Variants in ABTB3 observed in about 807,000 individuals in gnomAD.
The protein encoded by ABTB3 is ankyrin repeat and BTB domain containing 3.
At chr12:107,654,836 A>ACACACACACG in the ABTB3 span, among the ~76,000 whole-genome samples, 11 of 148,226 alleles carry the variant, frequency 7.4e-5, no homozygotes, top group South Asian at 4.2e-4. Context: ...ACACACACAC[A>ACACACACACG]CACACACACA....
At chr12:107,362,873 A>G in the ABTB3 span, among the ~76,000 whole-genome samples, 1 of 152,162 alleles carries the variant, frequency 6.6e-6, no homozygotes, top group East Asian at 1.9e-4. Flanking sequence ...TCTTCTAACA[A>G]TGAGTTGGAT....
the ABTB3 span, among the ~76,000 whole-genome samples, chr12:107,644,158 G>C: frequency 2.0e-5 from 3 of 152,214 alleles, no homozygotes; most frequent in Non-Finnish European, 2.9e-5. Flanking sequence ...ATAGAGCCAG[G>C]ATTTGAACCC....
the ABTB3 span, among the ~76,000 whole-genome samples, chr12:107,548,121 C>T: frequency 6.6e-6 from 1 of 152,190 alleles, no homozygotes; most frequent in African/African-American, 2.4e-5. Flanking sequence ...GTACCAAAGC[C>T]TCCAAAAGAG....
the ABTB3 span, among the ~76,000 whole-genome samples, chr12:107,354,498 A>C: frequency 1.3e-5 from 2 of 152,272 alleles, no homozygotes; most frequent in East Asian, 1.9e-4. Flanking sequence ...GAATCATATA[A>C]TAGCTGGTCT....
chr12:107,515,412 A>T, the ABTB3 span, among the ~76,000 whole-genome samples: 2 of 152,204 alleles, frequency 1.3e-5, no homozygotes, highest in African/African-American at 2.4e-5. Flanking sequence ...CCCTCTGACC[A>T]TCATCCCCTT....
chr12:107,628,498 A>G, the ABTB3 span, among the ~76,000 whole-genome samples: 2 of 152,138 alleles, frequency 1.3e-5, no homozygotes, highest in Non-Finnish European at 2.9e-5. Context: ...GTGTCCCTGA[A>G]AGTAACAGTA....
the ABTB3 span, among the ~76,000 whole-genome samples, chr12:107,470,010 T>TTCTTTCTTTCTTTCTC: frequency 1.8e-5 from 1 of 57,124 alleles, no homozygotes; most frequent in Non-Finnish European, 3.4e-5. Flanking sequence ...CTTTCTTTCT[T>TTCTTTCTTTCTTTCTC]TCTCTCTCTC....
At chr12:107,501,506 C>T in the ABTB3 span, among the ~76,000 whole-genome samples, 1 of 152,148 alleles carries the variant, frequency 6.6e-6, no homozygotes, top group Middle Eastern at 3.4e-3. Flanking sequence ...CGAGACCTGC[C>T]TGGCCAACAT....
At chr12:107,507,898 G>T in the ABTB3 span, among the ~76,000 whole-genome samples, 4 of 152,194 alleles carry the variant, frequency 2.6e-5, no homozygotes, top group Non-Finnish European at 5.9e-5. Flanking sequence ...TTCTGTTTGT[G>T]CCATCAGTGT....
At chr12:107,359,924 T>C in the ABTB3 span, among the ~76,000 whole-genome samples, 1 of 152,164 alleles carries the variant, frequency 6.6e-6, no homozygotes, top group African/African-American at 2.4e-5. Context: ...TTGCCAATTT[T>C]ATCTCTTCCC....
the ABTB3 span, among the ~76,000 whole-genome samples, chr12:107,598,388 C>T: frequency 1.3e-5 from 2 of 152,180 alleles, no homozygotes; most frequent in Non-Finnish European, 2.9e-5. Flanking sequence ...CTTCTACTTA[C>T]GTTTTGTTGG....
chr12:107,469,920 T>TTCTTTCTTTCTTTC, the ABTB3 span, among the ~76,000 whole-genome samples: 1 of 102,036 alleles, frequency 9.8e-6, no homozygotes, highest in Non-Finnish European at 2.0e-5. Flanking sequence ...CTTTCTTTCT[T>TTCTTTCTTTCTTTC]TCTCTCTCTC....
the ABTB3 span, among the ~76,000 whole-genome samples, chr12:107,496,442 A>G: frequency 6.6e-6 from 1 of 152,298 alleles, no homozygotes; most frequent in African/African-American, 2.4e-5. Context: ...GGGGATATAA[A>G]GATGCAAAAT....
chr12:107,585,108 C>T, the ABTB3 span, among the ~76,000 whole-genome samples: 5 of 152,090 alleles, frequency 3.3e-5, no homozygotes, highest in Admixed American at 2.0e-4. Flanking sequence ...AGAGTAAATA[C>T]TGTCATTTTC....
At chr12:107,637,831 T>G in the ABTB3 span, among the ~76,000 whole-genome samples, 1 of 138,574 alleles carries the variant, frequency 7.2e-6, no homozygotes, top group Admixed American at 7.4e-5. Flanking sequence ...TGTGTGTGTG[T>G]GTGGTATGGT....
At chr12:107,474,366 GC>G in the ABTB3 span, among the ~76,000 whole-genome samples, 6 of 152,150 alleles carry the variant, frequency 3.9e-5, no homozygotes, top group Non-Finnish European at 5.9e-5. Flanking sequence ...CCTGAGTCAG[GC>G]CCCTGGGACG....
chr12:107,464,052 G>A, the ABTB3 span, among the ~76,000 whole-genome samples: 2 of 152,174 alleles, frequency 1.3e-5, no homozygotes, highest in Non-Finnish European at 2.9e-5. Context: ...CAGTCCAGAT[G>A]AGCCAGGTTT....
the ABTB3 span, chr12:107,320,000 A>G: frequency 6.3e-7 from 1 of 1,578,906 alleles, no homozygotes; most frequent in South Asian, 1.2e-5. Context: ...CCTGGAGCAC[A>G]CGGTCAACAA....
chr12:107,574,583 G>A, the ABTB3 span, among the ~76,000 whole-genome samples: 6 of 152,190 alleles, frequency 3.9e-5, no homozygotes, highest in Non-Finnish European at 7.3e-5. Context: ...TTAGCTGGGT[G>A]TGGTGGCACA....
Sources: allele counts gnomAD v4.1 joint callset (sites outside exome capture counted in the v4.1 genomes callset), GRCh38; gene constraint gnomAD v4.1.1; transcripts MANE v1.5; gene names NCBI Gene and HGNC (gene_info 2026-07-23, HGNC 2026-07-21).